Variants in LRMDA observed in about 807,000 individuals in gnomAD.
LRMDA encodes leucine-rich melanocyte differentiation-associated protein.
In LRMDA, 18 loss-of-function variants were observed where a neutral mutation model predicts 29.8. The observed-to-expected ratio is 0.60, with a 90% CI of 0.42 to 0.90. The LOEUF (loss-of-function observed/expected upper bound fraction) is 0.90, where lower values mean the gene tolerates loss of function less well. Ranked by LOEUF, LRMDA falls within the 40% of genes least tolerant of loss-of-function variation. The probability of loss-of-function intolerance (pLI) is 0.00; values close to 1 mark genes in which losing one functional copy is unlikely to be tolerated. For synonymous variants in LRMDA, 125 were observed against 109.4 expected, an observed-to-expected ratio of 1.14 and a Z score of -0.89; for missense variants, 273 against 273.9, an observed-to-expected ratio of 1.00 and a Z score of 0.02.
At chr10:76,186,212 A>G (rs957601197) in intron 5 of LRMDA, among the ~76,000 whole-genome samples, 1 of 152,202 alleles carries the variant, frequency 6.6e-6, no homozygotes, top group African/African-American at 2.4e-5. Context: ...ACTCACAGCA[A>G]TGTGCCAGAT....
chr10:75,646,581 A>C (rs1841524637), intron 2 of LRMDA, among the ~76,000 whole-genome samples: 4 of 152,138 alleles, frequency 2.6e-5, no homozygotes, highest in Admixed American at 2.6e-4. Flanking sequence ...GATATCTTTA[A>C]ATTTGCCACC....
intron 6 of LRMDA, among the ~76,000 whole-genome samples, chr10:76,532,656 T>G (rs957022055): frequency 6.6e-5 from 10 of 152,166 alleles, no homozygotes; most frequent in Admixed American, 2.0e-4. Flanking sequence ...CAGAGAAGTC[T>G]TCTAAGAAGA....
chr10:76,468,157 C>T (rs1423115274), intron 6 of LRMDA, among the ~76,000 whole-genome samples: 1 of 152,184 alleles, frequency 6.6e-6, no homozygotes, highest in African/African-American at 2.4e-5. Flanking sequence ...TCTTAAATTA[C>T]TCGCCTCTTA....
chr10:75,565,598 G>A (rs1840361520), intron 2 of LRMDA, among the ~76,000 whole-genome samples: 1 of 152,214 alleles, frequency 6.6e-6, no homozygotes, highest in Non-Finnish European at 1.5e-5. Flanking sequence ...CTGCATTGTG[G>A]GAGGAGCCCT....
At chr10:76,029,345 T>A (rs1848112635) in intron 2 of LRMDA, among the ~76,000 whole-genome samples, 1 of 152,192 alleles carries the variant, frequency 6.6e-6, no homozygotes, top group East Asian at 1.9e-4. Flanking sequence ...ATACCAAGGC[T>A]ATGAAAAAAT....
Position 76,058,730 on chromosome 10 carries a change from G to T in LRMDA, c.463G>T (p.Glu155Ter). ...GGATGCCCAGAAAGTAACCAGACAA[G>T]AACGAGAGGAGGCGTTGGTCAGAGG... ...FLDAQKVTRQ[E>*]REEALVRGVF... Residue 155 changes from glutamate (E) to a stop codon, truncating the protein, a stop_gained, in exon 5 of 7, where the codon GAA becomes TAA. Coordinates refer to ENST00000611255, the MANE Select transcript of LRMDA (RefSeq NM_001305581.2). LOFTEE classifies it high-confidence loss of function. 6.2e-7 allele frequency: 1 copy of T among 1,614,122 alleles called. No individual in the cohort carries two copies. Among genetic ancestry groups the T allele is most frequent in the South Asian group, 1.1e-5 (1 of 91,068 alleles).
intron 2 of LRMDA, among the ~76,000 whole-genome samples, chr10:75,537,601 T>C (rs1216437555): frequency 6.6e-6 from 1 of 152,200 alleles, no homozygotes; most frequent in Non-Finnish European, 1.5e-5. Context: ...CCCGTAAGGA[T>C]GGAAGTTCAG....
At chr10:76,137,566 G>T (rs1850118649) in intron 5 of LRMDA, among the ~76,000 whole-genome samples, 2 of 152,082 alleles carry the variant, frequency 1.3e-5, no homozygotes, top group South Asian at 4.1e-4. Context: ...CCTAAAGAGG[G>T]TTAAAAATAA....
chr10:75,453,661 T>C (rs1844484146), intron 2 of LRMDA, among the ~76,000 whole-genome samples: 1 of 152,172 alleles, frequency 6.6e-6, no homozygotes, highest in Non-Finnish European at 1.5e-5. Context: ...CTGCTTCAGC[T>C]CTGTTGATTG....
chr10:75,550,963 T>C (rs1347272756), intron 2 of LRMDA, among the ~76,000 whole-genome samples: 6 of 151,372 alleles, frequency 4.0e-5, no homozygotes, highest in African/African-American at 1.2e-4. Context: ...CTTTGTTCTA[T>C]TGTCTACATT....
In LRMDA at chr10:76,557,299, T is replaced by G. The variant is rs1236601119; in HGVS notation, c.*11T>G. On this transcript the variant is annotated 3_prime_UTR_variant, in exon 7 of 7. Coordinates refer to ENST00000611255, the MANE Select transcript of LRMDA (RefSeq NM_001305581.2). ...GATGACCAGCTCTGAAGCCAACTTCTGTATACCTTCACCCATTTCATGAAA... is the reference window on the plus strand; with the variant it reads ...GATGACCAGCTCTGAAGCCAACTTCGGTATACCTTCACCCATTTCATGAAA... 1 of 1,596,824 alleles carries G rather than the reference T, an allele frequency of 6.3e-7. No individual in the cohort carries two copies. Among genetic ancestry groups the G allele is most frequent in the South Asian group, 1.1e-5 (1 of 90,674 alleles).
intron 2 of LRMDA, among the ~76,000 whole-genome samples, chr10:75,938,970 G>A (rs1265500842): frequency 2.6e-5 from 4 of 152,164 alleles, no homozygotes; most frequent in Non-Finnish European, 5.9e-5. Context: ...GAACTGCAGA[G>A]CACTGGCCTG....
At chr10:75,870,018 T>G (rs1308667144) in intron 2 of LRMDA, among the ~76,000 whole-genome samples, 1 of 152,210 alleles carries the variant, frequency 6.6e-6, no homozygotes, top group East Asian at 1.9e-4. Context: ...CCAGCCTTTC[T>G]CACCTGGGGC....
intron 5 of LRMDA, among the ~76,000 whole-genome samples, chr10:76,216,449 G>A (rs1476361659): frequency 6.6e-6 from 1 of 152,184 alleles, no homozygotes; most frequent in African/African-American, 2.4e-5. Context: ...TTAAGAGTAT[G>A]TAAAGAACTC....
Position 76,497,387 on chromosome 10 carries a change from G to A in LRMDA, c.602-59822G>A, listed in dbSNP as rs1188992767. On this transcript the variant is annotated intron_variant, in intron 6 of 6. Transcript: ENST00000611255. ...ATTCCAAAATTATGGAGGAGAGAAAGTACCACTCTTTGCACCCTTGTTTTC... is the reference window on the plus strand; with the variant it reads ...ATTCCAAAATTATGGAGGAGAGAAAATACCACTCTTTGCACCCTTGTTTTC... Among the ~76,000 whole-genome samples the A allele has an allele frequency of 5.3e-5, 4 of 74,820 alleles. 2 individuals carry two copies. Among genetic ancestry groups the A allele is most frequent in the Non-Finnish European group, 8.9e-5 (2 of 22,492 alleles). 49.1% of individuals were successfully genotyped at this position (74,820 alleles called of 152,430 possible).
intron 2 of LRMDA, among the ~76,000 whole-genome samples, chr10:75,831,132 G>A (rs112566064): frequency 2.0e-5 from 3 of 151,506 alleles, no homozygotes; most frequent in East Asian, 1.9e-4. Context: ...TGCAAGCTCC[G>A]CCTCCTGGGT....
intron 2 of LRMDA, among the ~76,000 whole-genome samples, chr10:75,691,110 CTATATATCTAT>C (rs1842144362): frequency 1.5e-5 from 1 of 65,886 alleles, no homozygotes; most frequent in Non-Finnish European, 2.5e-5. Context: ...ATATATAGAT[CTATATATCTAT>C]ATACATAGAT....
chr10:76,440,054 T>G (rs907560130), intron 6 of LRMDA, among the ~76,000 whole-genome samples: 3 of 152,190 alleles, frequency 2.0e-5, no homozygotes, highest in Admixed American at 6.5e-5. Flanking sequence ...TGAGCTACAT[T>G]CCTCAAGCTT....
intron 6 of LRMDA, among the ~76,000 whole-genome samples, chr10:76,536,236 G>T (rs958326450): frequency 1.3e-5 from 2 of 152,138 alleles, no homozygotes; most frequent in Non-Finnish European, 2.9e-5. Flanking sequence ...AGTCACCATT[G>T]TTACCTAATA....
Sources: allele counts gnomAD v4.1 joint callset (sites outside exome capture counted in the v4.1 genomes callset), GRCh38; gene constraint gnomAD v4.1.1; transcripts MANE v1.5; gene names NCBI Gene and HGNC (gene_info 2026-07-23, HGNC 2026-07-21).